ABHD13: variants seen among roughly 807,000 people sequenced by gnomAD.
ABHD13 encodes the protein protein ABHD13.
ABHD13 carries 7 observed loss-of-function variants against 25.2 expected under a neutral mutation model. The ratio of observed to expected loss-of-function variants is 0.28; its 90% CI spans 0.16 to 0.52. ABHD13 has a LOEUF of 0.52. ABHD13 is among the 20% of genes least tolerant of loss of function. ABHD13 has a pLI of 0.96. For synonymous variants in ABHD13, 133 were observed against 136.1 expected (o/e 0.98, Z 0.16); for missense variants, 302 against 402.7 (o/e 0.75, Z 2.14).
intron 1 of ABHD13, among the ~76,000 whole-genome samples, chr13:108,220,920 A>G (rs982146688): frequency 2.0e-5 from 3 of 152,266 alleles, no homozygotes; most frequent in South Asian, 2.1e-4. Context: ...TCAGTCTAAC[A>G]TCACTACAGT....
chr13:108,231,311 A>C lies in ABHD13; in HGVS notation c.*1079A>C, dbSNP rs1419388179. ...ACAACAAAACAATGTTCTTGGTTTT[A>C]ATGTTCCAGTTGCTGTGAAATAGAA... On this transcript the variant is annotated 3_prime_UTR_variant, in exon 2 of 2. Coordinates refer to ENST00000375898, the MANE Select transcript of ABHD13 (RefSeq NM_032859.3). The C allele has an allele frequency of 6.0e-6, 1 of 166,798 alleles. No individual in the cohort carries two copies. Among genetic ancestry groups the C allele is most frequent in the East Asian group, 1.9e-4 (1 of 5,198 alleles). The allele number at this position is 166,798 out of a possible 1,614,324, so 10.3% of individuals were successfully genotyped here.
In ABHD13 at chr13:108,233,477, A is replaced by C. The variant is rs1879852657; in HGVS notation, c.*3245A>C. The C allele has an allele frequency of 6.0e-6, 1 of 165,680 alleles. No homozygotes were observed. Among genetic ancestry groups the C allele is most frequent in the Admixed American group, 6.6e-5 (1 of 15,116 alleles). 10.3% of individuals were successfully genotyped at this position (165,680 alleles called of 1,614,324 possible). A position where few individuals can be genotyped will look rare whatever the true frequency, so the allele number is the denominator to read the frequency against. ...AATTAAGTCATGATTGAGATACTGA[A>C]CTCTTCCACTCATTCTTCTTTCCCA... On this transcript the variant is annotated 3_prime_UTR_variant, in exon 2 of 2. Coordinates refer to ENST00000375898, the MANE Select transcript of ABHD13 (RefSeq NM_032859.3).
Position 108,233,165 on chromosome 13 carries a change from A to G in ABHD13, c.*2933A>G, listed in dbSNP as rs912389734. 3 of 166,852 alleles carry G rather than the reference A, an allele frequency of 1.8e-5. No individual in the cohort carries two copies. The highest frequency in any genetic ancestry group is 2.1e-4 in the South Asian group (1 of 4,834). The allele number at this position is 166,852 out of a possible 1,614,324, so 10.3% of individuals were successfully genotyped here. ...TTACCTGTAGACACTTGATATTTAC[A>G]TAGATTACAGCTTTGGTAATATGTC... On this transcript the variant is annotated 3_prime_UTR_variant, in exon 2 of 2. Coordinates refer to ENST00000375898, the MANE Select transcript of ABHD13 (RefSeq NM_032859.3).
chr13:108,223,209 A>G (rs1249728147), intron 1 of ABHD13, among the ~76,000 whole-genome samples: 1 of 152,228 alleles, frequency 6.6e-6, no homozygotes, highest in East Asian at 1.9e-4. Context: ...TAATATTAAT[A>G]GATTACCACA....
At position 108,230,274 on chromosome 13, in the gene ABHD13, A is replaced by G. The variant is rs749420253; in HGVS notation, c.*42A>G. The G allele has an allele frequency of 2.3e-4, 335 of 1,426,986 alleles. No homozygotes were observed. Among genetic ancestry groups the G allele is most frequent in the Non-Finnish European group, 2.9e-4 (312 of 1,064,586 alleles). The allele number at this position is 1,426,986 out of a possible 1,614,324, so 88.4% of individuals were successfully genotyped here. A position where few individuals can be genotyped will look rare whatever the true frequency, so the allele number is the denominator to read the frequency against. On this transcript the variant is annotated 3_prime_UTR_variant, in exon 2 of 2. Coordinates refer to ENST00000375898, the MANE Select transcript of ABHD13 (RefSeq NM_032859.3). ...TATTGCATTGTATTTTAATTTGTGCAGAATGATAAAGAATGTTCCTTTTAG... is the reference window on the plus strand; with the variant it reads ...TATTGCATTGTATTTTAATTTGTGCGGAATGATAAAGAATGTTCCTTTTAG...
At chr13:108,225,313 T>A (rs988953895) in intron 1 of ABHD13, among the ~76,000 whole-genome samples, 1 of 152,086 alleles carries the variant, frequency 6.6e-6, no homozygotes, top group East Asian at 1.9e-4. Flanking sequence ...GACTTGTAGA[T>A]TGGGAATAAT....
chr13:108,229,756 C>A lies in ABHD13; in HGVS notation c.538C>A (p.Pro180Thr). Reference protein sequence around the residue: ...EAVLDYVMTRPDLDKTKIFLF... With the variant: ...EAVLDYVMTRTDLDKTKIFLF... ...TGTGTTAGACTACGTGATGACTAGA[C>A]CTGACCTTGATAAAACAAAAATTTT... Residue 180 changes from proline (P) to threonine (T), a missense_variant, in exon 2 of 2, where the codon CCT becomes ACT. Pro to Thr is a conservative substitution (Grantham distance 38). Transcript: ENST00000375898. This position sits in a 1 kb window ranked among gnomAD's most constrained non-coding sequence, Gnocchi z 4.7. The A allele has an allele frequency of 6.2e-7, 1 of 1,613,334 alleles. No individual in the cohort carries two copies. The highest frequency in any genetic ancestry group is 1.1e-5 in the South Asian group (1 of 91,062).
chr13:108,230,297 T>C lies in ABHD13; in HGVS notation c.*65T>C. 7.4e-7 allele frequency: 1 copy of C among 1,358,172 alleles called. No homozygotes were observed. Among genetic ancestry groups the C allele is most frequent in the Non-Finnish European group, 9.9e-7 (1 of 1,008,896 alleles). 84.1% of individuals were successfully genotyped at this position (1,358,172 alleles called of 1,614,324 possible). On this transcript the variant is annotated 3_prime_UTR_variant, in exon 2 of 2. Transcript: ENST00000375898. The stretch of plus-strand genomic sequence containing the variant: ...GCAGAATGATAAAGAATGTTCCTTT[T>C]AGAAGTGTGTTATGTCTGTACCTGT...
intron 1 of ABHD13, among the ~76,000 whole-genome samples, chr13:108,228,700 A>C (rs888922177): frequency 2.0e-5 from 3 of 151,574 alleles, no homozygotes; most frequent in African/African-American, 7.3e-5. Context: ...TGGTCTTGCT[A>C]TGTTGGAATT....
At chr13:108,227,133 A>C (rs1879691280) in intron 1 of ABHD13, among the ~76,000 whole-genome samples, 1 of 152,272 alleles carries the variant, frequency 6.6e-6, no homozygotes, top group South Asian at 2.1e-4. Context: ...CAGTTTAGTT[A>C]ATGTGACTTT....
chr13:108,231,819 C>T lies in ABHD13; in HGVS notation c.*1587C>T, dbSNP rs993809760. 1 of 166,508 alleles carries T rather than the reference C, an allele frequency of 6.0e-6. No homozygotes were observed. The highest frequency in any genetic ancestry group is 2.4e-5 in the African/African-American group (1 of 41,318). The allele number at this position is 166,508 out of a possible 1,614,324, so 10.3% of individuals were successfully genotyped here. ...AAATAGCATTCTTATTCACTTTATG[C>T]CGGTATTTAGAAAAAATAAATTATA... On this transcript the variant is annotated 3_prime_UTR_variant, in exon 2 of 2. Coordinates refer to ENST00000375898, the MANE Select transcript of ABHD13 (RefSeq NM_032859.3).
Position 108,233,705 on chromosome 13 carries a change from A to ATG in ABHD13, c.*3474_*3475insGT, listed in dbSNP as rs1158573289. ...TACTTCTGTTTATTCTTAATACTAT[A>ATG]TATATATATACACACATAGTTTTAG... On this transcript the variant is annotated 3_prime_UTR_variant, in exon 2 of 2. Transcript: ENST00000375898. The ATG allele has an allele frequency of 1.8e-5, 3 of 166,226 alleles. No individual in the cohort carries two copies. The highest frequency in any genetic ancestry group is 7.2e-5 in the African/African-American group (3 of 41,382). The allele number at this position is 166,226 out of a possible 1,614,324, so 10.3% of individuals were successfully genotyped here. A position where few individuals can be genotyped will look rare whatever the true frequency, so the allele number is the denominator to read the frequency against.
chr13:108,225,781 T>G (rs959595364), intron 1 of ABHD13, among the ~76,000 whole-genome samples: 1 of 152,114 alleles, frequency 6.6e-6, no homozygotes, highest in Non-Finnish European at 1.5e-5. Context: ...CATACAATAA[T>G]GATGTAAAAG....
intron 1 of ABHD13, among the ~76,000 whole-genome samples, chr13:108,222,586 G>A (rs1267532546): frequency 2.0e-5 from 3 of 152,042 alleles, no homozygotes; most frequent in African/African-American, 7.2e-5. Flanking sequence ...AGATCCCAAA[G>A]ATTTTTTTGT....
chr13:108,231,490 T>C lies in ABHD13; in HGVS notation c.*1258T>C, dbSNP rs1361153225. ...AAATGGCTATAGGTGGGAAGTAGGA[T>C]TTAGATGTATAGAAAAGTAAGAAAA... On this transcript the variant is annotated 3_prime_UTR_variant, in exon 2 of 2. Coordinates refer to ENST00000375898, the MANE Select transcript of ABHD13 (RefSeq NM_032859.3). 1 of 166,734 alleles carries C rather than the reference T, an allele frequency of 6.0e-6. No homozygotes were observed. Among genetic ancestry groups the C allele is most frequent in the Admixed American group, 6.6e-5 (1 of 15,224 alleles). 10.3% of individuals were successfully genotyped at this position (166,734 alleles called of 1,614,324 possible).
In ABHD13 at chr13:108,219,185, C is replaced by T. The variant is rs528487324; in HGVS notation, c.-21+526C>T. Among the ~76,000 whole-genome samples, 10 of 152,168 alleles carry T rather than the reference C, an allele frequency of 6.6e-5. No homozygotes were observed. In the East Asian group the frequency reaches 1.9e-3, roughly 29 times the overall value. On this transcript the variant is annotated intron_variant, in intron 1 of 1. Transcript: ENST00000375898. ...TAATCACGACAGTAACAGGTTTAGA[C>T]CTGTGAATATCATGACAGGAAGTTC... is the stretch of plus-strand genomic sequence containing the variant.
Position 108,218,551 on chromosome 13 carries a change from G to A in ABHD13, c.-129G>A, listed in dbSNP as rs1297353148. 1 of 152,068 alleles carries A rather than the reference G, an allele frequency of 6.6e-6. No individual in the cohort carries two copies. 9.4% of individuals were successfully genotyped at this position (152,068 alleles called of 1,614,324 possible). A position where few individuals can be genotyped will look rare whatever the true frequency, so the allele number is the denominator to read the frequency against. On this transcript the variant is annotated 5_prime_UTR_variant, in exon 1 of 2. It introduces an in-frame stop codon into an upstream open reading frame of the 5' UTR. Coordinates refer to ENST00000375898, the MANE Select transcript of ABHD13 (RefSeq NM_032859.3). ...GACCGTGGCGCCGGCAGCGGCCCCT[G>A]GGCTGGAGGAGGATGATGAGGAGCG...
In ABHD13 at chr13:108,232,737, T is replaced by TA. The variant is rs1241043368; in HGVS notation, c.*2506dup. On this transcript the variant is annotated 3_prime_UTR_variant, in exon 2 of 2. Coordinates refer to ENST00000375898, the MANE Select transcript of ABHD13 (RefSeq NM_032859.3). ...TAGAGTGATCTTAAATATGGCAAGA[T>TA]ACAGCTCATTTAGAATAAAATCTCA... is the stretch of plus-strand genomic sequence containing the variant. 1 of 166,834 alleles carries TA rather than the reference T, an allele frequency of 6.0e-6. No individual in the cohort carries two copies. Among genetic ancestry groups the TA allele is most frequent in the Non-Finnish European group, 1.5e-5 (1 of 68,008 alleles). 10.3% of individuals were successfully genotyped at this position (166,834 alleles called of 1,614,324 possible).
intron 1 of ABHD13, among the ~76,000 whole-genome samples, chr13:108,220,451 C>T (rs981835066): frequency 6.6e-6 from 1 of 152,190 alleles, no homozygotes; most frequent in Non-Finnish European, 1.5e-5. Flanking sequence ...TTCTGTTTCT[C>T]TGTTTAATGT....
Sources: allele counts gnomAD v4.1 joint callset (sites outside exome capture counted in the v4.1 genomes callset), GRCh38; gene constraint gnomAD v4.1.1; non-coding constraint Gnocchi (gnomAD v3.1); transcripts MANE v1.5; gene names NCBI Gene and HGNC (gene_info 2026-07-23, HGNC 2026-07-21).